Variants in RASAL2 observed in about 807,000 individuals in gnomAD.
RASAL2 encodes ras GTPase-activating protein nGAP.
Under a neutral mutation model 128.9 loss-of-function variants are expected in RASAL2, and 58 were observed. The observed-to-expected ratio is 0.45, with a 90% CI of 0.36 to 0.56. RASAL2 has a LOEUF of 0.56. Among genes scored for constraint, RASAL2 ranks in the 20% least tolerant of loss-of-function variants. RASAL2 has a pLI of 0.00. For missense variants in RASAL2, 1,360 were observed against 1,601.6 expected (o/e 0.85, Z 2.57); for synonymous variants, 561 against 580.8 (o/e 0.97, Z 0.49).
At chr1:178,151,747 A>G (rs1479020389) in intron 1 of RASAL2, among the ~76,000 whole-genome samples, 1 of 152,154 alleles carries the variant, frequency 6.6e-6, no homozygotes, top group African/African-American at 2.4e-5. Flanking sequence ...AATACAGTGG[A>G]TGGTGATGAT....
At chr1:178,384,590 C>T (rs1017671289) in intron 3 of RASAL2, among the ~76,000 whole-genome samples, 8 of 150,706 alleles carry the variant, frequency 5.3e-5, no homozygotes, top group African/African-American at 2.0e-4. Flanking sequence ...ATCGTTTGAA[C>T]ATGGGAGGTA....
chr1:178,180,893 C>T (rs1327892894), intron 1 of RASAL2, among the ~76,000 whole-genome samples: 10 of 151,858 alleles, frequency 6.6e-5, no homozygotes, highest in Admixed American at 6.6e-4. Flanking sequence ...GAAGAAACCA[C>T]TGAAATTTAA....
At chr1:178,095,411 TG>T (rs75718887) in intron 1 of RASAL2, among the ~76,000 whole-genome samples, 25,089 of 152,262 alleles carry the variant, frequency 0.16, 2,582 homozygotes, top group East Asian at 0.31. Flanking sequence ...AAAACCATGC[TG>T]GTTTTGAAAA....
intron 3 of RASAL2, among the ~76,000 whole-genome samples, chr1:178,366,221 A>C (rs1671390884): frequency 6.6e-6 from 1 of 152,178 alleles, no homozygotes; most frequent in African/African-American, 2.4e-5. Context: ...ATATAATAAA[A>C]ATATACATAG....
At chr1:178,162,478 A>G (rs1241640176) in intron 1 of RASAL2, among the ~76,000 whole-genome samples, 1 of 123,798 alleles carries the variant, frequency 8.1e-6, no homozygotes, top group Admixed American at 1.0e-4. Context: ...ATATATTTAT[A>G]TTTTATATAA....
chr1:178,116,489 T>G (rs1483374425), intron 1 of RASAL2, among the ~76,000 whole-genome samples: 1 of 152,214 alleles, frequency 6.6e-6, no homozygotes, highest in East Asian at 1.9e-4. Flanking sequence ...GGAAGATTTC[T>G]TATGATTCCA....
At chr1:178,261,546 A>G (rs1665693994) in intron 1 of RASAL2, among the ~76,000 whole-genome samples, 1 of 152,164 alleles carries the variant, frequency 6.6e-6, no homozygotes, top group South Asian at 2.1e-4. Context: ...AAGAAAAGTA[A>G]CTTTTCCAGG....
intron 4 of RASAL2, among the ~76,000 whole-genome samples, chr1:178,408,676 C>T (rs538617428): frequency 1.0e-4 from 15 of 142,928 alleles, no homozygotes; most frequent in Middle Eastern, 3.6e-3. Flanking sequence ...TATTACATTT[C>T]TGGCTGTTTA....
rs1214327572 is a variant in RASAL2 at position 178,445,528 on chromosome 1, C to T, written c.1493C>T (p.Thr498Ile). ...QSTGRAKDFLTDLVMSEVDRC... is the reference protein window; with the variant it reads ...QSTGRAKDFLIDLVMSEVDRC... ...ACATTATTCTACCAGGATTTTCTGA[C>T]TGACTTGGTGATGTCTGAGGTGGAT... Residue 498 changes from threonine to isoleucine, a missense_variant, in exon 9 of 18, where the codon ACT becomes ATT. Physicochemically the swap from Thr to Ile is moderately conservative, Grantham distance 89. This residue lies in a region of RASAL2 where 617 missense variants were observed against 714.2 expected (regional missense o/e 0.86). Coordinates refer to ENST00000367649, the MANE Select transcript of RASAL2 (RefSeq NM_170692.4). 1.2e-6 allele frequency: 2 copies of T among 1,612,996 alleles called. No individual in the cohort carries two copies. The highest frequency in any genetic ancestry group is 1.7e-6 in the Non-Finnish European group (2 of 1,179,522).
chr1:178,260,350 C>CAAAAAA (rs1243797175), intron 1 of RASAL2, among the ~76,000 whole-genome samples: 3 of 430 alleles, frequency 7.0e-3, no homozygotes, highest in African/African-American at 9.1e-3. Context: ...AGACTCGTCT[C>CAAAAAA]AAAAAAAAAA....
intron 3 of RASAL2, among the ~76,000 whole-genome samples, chr1:178,375,572 G>A (rs1671944498): frequency 6.6e-6 from 1 of 152,126 alleles, no homozygotes; most frequent in African/African-American, 2.4e-5. Context: ...GACTGTGAAT[G>A]CCTCCACAAG....
chr1:178,342,106 AAG>A (rs2102406746), intron 3 of RASAL2, among the ~76,000 whole-genome samples: 1 of 152,338 alleles, frequency 6.6e-6, no homozygotes, highest in African/African-American at 2.4e-5. Context: ...AGACAGCAGT[AAG>A]AGCATTCAAA....
chr1:178,293,404 G>A (rs1010437699), intron 2 of RASAL2, among the ~76,000 whole-genome samples: 12 of 152,196 alleles, frequency 7.9e-5, no homozygotes, highest in African/African-American at 2.9e-4. Flanking sequence ...TTAATCTGTA[G>A]GACGTATTGG....
chr1:178,355,327 G>A (rs12354284), intron 3 of RASAL2, among the ~76,000 whole-genome samples: 1 of 152,142 alleles, frequency 6.6e-6, no homozygotes, highest in African/African-American at 2.4e-5. Context: ...ACAGACCTGT[G>A]CATATATGTA....
At chr1:178,224,113 T>G (rs1263796651) in intron 1 of RASAL2, among the ~76,000 whole-genome samples, 2 of 152,086 alleles carry the variant, frequency 1.3e-5, no homozygotes, top group Admixed American at 1.3e-4. Context: ...GGACAGAGGA[T>G]GTCAAGGATC....
intron 1 of RASAL2, among the ~76,000 whole-genome samples, chr1:178,180,024 C>T (rs188188592): frequency 6.6e-6 from 1 of 152,178 alleles, no homozygotes; most frequent in Admixed American, 6.5e-5. Flanking sequence ...AATGAAAGAT[C>T]GTTCACTGGA....
chr1:178,168,711 GCAGT>G lies in RASAL2; in HGVS notation c.202+74022_202+74025del, dbSNP rs1475673683. On this transcript the variant is annotated intron_variant, in intron 1 of 17. Transcript: ENST00000367649. ...TTACAGGCTTATGTTCAATCTCACA[GCAGT>G]CAGTGGGACTGTCTGCACCATCACA... 7.2e-5 allele frequency among the ~76,000 whole-genome samples: 11 copies of G among 152,188 alleles called. No homozygotes were observed. The South Asian group carries it at 2.1e-3, about 29-fold the overall frequency.
intron 3 of RASAL2, among the ~76,000 whole-genome samples, chr1:178,319,248 T>G (rs1005948058): frequency 6.6e-6 from 1 of 152,056 alleles, no homozygotes; most frequent in Non-Finnish European, 1.5e-5. Context: ...ATTTCAACTT[T>G]GGTGAATCTG....
At chr1:178,432,878 C>T (rs1178405110) in intron 5 of RASAL2, among the ~76,000 whole-genome samples, 2 of 152,116 alleles carry the variant, frequency 1.3e-5, no homozygotes, top group South Asian at 2.1e-4. Context: ...TTTCTCTCCA[C>T]TCTCTGTGTA....
Sources: allele counts gnomAD v4.1 joint callset (sites outside exome capture counted in the v4.1 genomes callset), GRCh38; gene constraint gnomAD v4.1.1; regional missense constraint gnomAD v4.1.1; transcripts MANE v1.5; gene names NCBI Gene and HGNC (gene_info 2026-07-23, HGNC 2026-07-21).